GPHN: variants seen among roughly 807,000 people sequenced by gnomAD.
The protein encoded by GPHN is gephyrin.
GPHN carries 17 observed loss-of-function variants against 95.5 expected under a neutral mutation model. That is an observed-to-expected ratio of 0.18 (90% confidence interval 0.12 to 0.27). The LOEUF (loss-of-function observed/expected upper bound fraction) is 0.27. Ranked by LOEUF, GPHN falls within the 10% of genes least tolerant of loss-of-function variation. The probability of loss-of-function intolerance (pLI) is 1.00; values close to 1 mark genes in which losing one functional copy is unlikely to be tolerated. For missense variants in GPHN, 660 were observed against 978.1 expected (o/e 0.67, Z 4.34); for synonymous variants, 320 against 322.5 (o/e 0.99, Z 0.08).
intron 1 of GPHN, among the ~76,000 whole-genome samples, chr14:66,646,065 G>A (rs773909902): frequency 2.0e-5 from 3 of 152,050 alleles, no homozygotes; most frequent in Non-Finnish European, 2.9e-5. Flanking sequence ...CATTTAAAGA[G>A]TGACAATTTA....
the GPHN span, among the ~76,000 whole-genome samples, chr14:67,426,566 T>C: frequency 6.6e-6 from 1 of 151,978 alleles, no homozygotes; most frequent in Non-Finnish European, 1.5e-5. Flanking sequence ...ATAATGTCTA[T>C]TTTTTTGGTT....
the GPHN span, among the ~76,000 whole-genome samples, chr14:67,327,488 T>C: frequency 1.1e-4 from 17 of 152,056 alleles, no homozygotes; most frequent in African/African-American, 3.9e-4. Flanking sequence ...TTTTATTTTA[T>C]TTTTTTATTT....
the GPHN span, among the ~76,000 whole-genome samples, chr14:67,210,324 G>C: frequency 6.6e-6 from 1 of 152,106 alleles, no homozygotes; most frequent in South Asian, 2.1e-4. Flanking sequence ...GGTGGCTCCT[G>C]CCTATAATCC....
chr14:67,435,480 C>T, the GPHN span, among the ~76,000 whole-genome samples: 6 of 152,238 alleles, frequency 3.9e-5, no homozygotes, highest in African/African-American at 1.4e-4. Flanking sequence ...CAGGCAGCAA[C>T]AGCCCCTGTC....
intron 18 of GPHN, among the ~76,000 whole-genome samples, chr14:67,151,410 G>A (rs1383667652): frequency 6.6e-6 from 1 of 152,296 alleles, no homozygotes; most frequent in South Asian, 2.1e-4. Context: ...AAACAAAATA[G>A]ATTTGTATCA....
At chr14:67,086,546 G>T (rs566958153) in intron 11 of GPHN, among the ~76,000 whole-genome samples, 2 of 150,950 alleles carry the variant, frequency 1.3e-5, no homozygotes, top group East Asian at 4.0e-4. Context: ...AGCTACTCGG[G>T]AGGCTAAGGC....
intron 1 of GPHN, among the ~76,000 whole-genome samples, chr14:66,661,975 C>G (rs1735785980): frequency 6.6e-6 from 1 of 152,186 alleles, no homozygotes; most frequent in Non-Finnish European, 1.5e-5. Context: ...ACTGTGTCCT[C>G]CAGTCACTCC....
At chr14:66,522,128 A>G (rs569777770) in intron 1 of GPHN, among the ~76,000 whole-genome samples, 3 of 152,254 alleles carry the variant, frequency 2.0e-5, no homozygotes, top group East Asian at 1.9e-4. Flanking sequence ...GTTAATTTGT[A>G]TATCAGGAGA....
the GPHN span, among the ~76,000 whole-genome samples, chr14:67,519,637 C>A: frequency 6.6e-6 from 1 of 151,736 alleles, no homozygotes; most frequent in East Asian, 1.9e-4. Context: ...AAGTACCCCC[C>A]AAACAGCGAA....
the GPHN span, chr14:67,271,205 G>C: frequency 6.6e-6 from 1 of 152,194 alleles, no homozygotes; most frequent in Non-Finnish European, 1.5e-5. Flanking sequence ...TAATTTACCT[G>C]TGTGATCTAC....
chr14:66,693,726 A>G (rs1489901234), intron 2 of GPHN, among the ~76,000 whole-genome samples: 1 of 152,182 alleles, frequency 6.6e-6, no homozygotes, highest in African/African-American at 2.4e-5. Context: ...ACAAGCATAC[A>G]CAGAAATAAT....
intron 8 of GPHN, among the ~76,000 whole-genome samples, chr14:66,930,789 G>A (rs1372026080): frequency 6.6e-6 from 1 of 152,096 alleles, no homozygotes; most frequent in Non-Finnish European, 1.5e-5. Flanking sequence ...CCCTGTCTAG[G>A]TGCTAGATCA....
intron 1 of GPHN, among the ~76,000 whole-genome samples, chr14:66,515,811 A>T (rs1455236357): frequency 6.6e-6 from 1 of 152,238 alleles, no homozygotes; most frequent in East Asian, 1.9e-4. Context: ...TACAATAGTG[A>T]TTAAGACAGT....
At chr14:66,835,799 A>C (rs967315349) in intron 4 of GPHN, among the ~76,000 whole-genome samples, 1 of 152,062 alleles carries the variant, frequency 6.6e-6, no homozygotes, top group South Asian at 2.1e-4. Flanking sequence ...CTATACACCA[A>C]CAACAGACAG....
At chr14:67,390,554 G>A in the GPHN span, 12 of 761,804 alleles carry the variant, frequency 1.6e-5, no homozygotes, top group Middle Eastern at 3.5e-4. Flanking sequence ...ACTTTACGGC[G>A]GGTGCCAGGG....
chr14:67,209,219 A>C, the GPHN span, among the ~76,000 whole-genome samples: 1 of 152,160 alleles, frequency 6.6e-6, no homozygotes, highest in Non-Finnish European at 1.5e-5. Context: ...TCCATATCTC[A>C]TGGAGTGTTT....
chr14:66,675,251 C>T (rs1054313483), intron 1 of GPHN, among the ~76,000 whole-genome samples: 1 of 150,792 alleles, frequency 6.6e-6, no homozygotes, highest in African/African-American at 2.4e-5. Context: ...TCAAGCGATT[C>T]TCCTGCCTCA....
the GPHN span, among the ~76,000 whole-genome samples, chr14:67,414,757 A>G: frequency 6.6e-6 from 1 of 152,234 alleles, no homozygotes; most frequent in Non-Finnish European, 1.5e-5. Flanking sequence ...AAAAGGATAA[A>G]TCATGGAAAC....
chr14:67,268,694 A>G, the GPHN span, among the ~76,000 whole-genome samples: 1 of 152,324 alleles, frequency 6.6e-6, no homozygotes, highest in South Asian at 2.1e-4. Context: ...TATAGTGAGC[A>G]GTGAGCACAA....
Sources: gnomAD v4.1 joint callset for allele counts (sites outside exome capture counted in the v4.1 genomes callset) on GRCh38, gnomAD v4.1.1 for gene constraint, MANE v1.5 for transcripts, NCBI Gene and HGNC (gene_info 2026-07-23, HGNC 2026-07-21) for gene names.